Variants in BMPR1B observed in about 807,000 individuals in gnomAD.
BMPR1B encodes bone morphogenetic protein receptor type 1B.
In BMPR1B, 12 loss-of-function variants were observed where a neutral mutation model predicts 59.1. The observed-to-expected ratio is 0.20, with a 90% CI of 0.13 to 0.33. BMPR1B has a LOEUF of 0.33. BMPR1B is among the 10% of genes least tolerant of loss of function. The probability of loss-of-function intolerance (pLI) is 1.00; values close to 1 mark genes in which losing one functional copy is unlikely to be tolerated. For synonymous variants in BMPR1B, 237 were observed against 207.3 expected, an observed-to-expected ratio of 1.14 and a Z score of -1.23; for missense variants, 550 against 610.9, an observed-to-expected ratio of 0.90 and a Z score of 1.05.
intron 2 of BMPR1B, among the ~76,000 whole-genome samples, chr4:94,987,195 CAT>C (rs201112936): frequency 0.019 from 2,623 of 136,880 alleles, 30 homozygotes; most frequent in Middle Eastern, 0.039. Flanking sequence ...TATAATATAT[CAT>C]ATATATGTAA....
At position 94,782,328 on chromosome 4, in the gene BMPR1B, ATT is replaced by A. The variant is rs60231217; in HGVS notation, c.-183+24272_-183+24273del. On this transcript the variant is annotated intron_variant, in intron 1 of 12. Coordinates refer to ENST00000515059, the MANE Select transcript of BMPR1B (RefSeq NM_001203.3). ...TTATACTTTTAATTTTTTAATGTTA[ATT>A]TTTTTTTTTTTGTCACCCAGGCTGG... Among the ~76,000 whole-genome samples, 719 of 144,474 alleles carry A rather than the reference ATT, an allele frequency of 5.0e-3. 1 individual carries two copies. The highest frequency in any genetic ancestry group is 6.9e-3 in the Non-Finnish European group (454 of 65,606). 94.8% of individuals were successfully genotyped at this position (144,474 alleles called of 152,430 possible).
chr4:95,059,897 C>G (rs898444426), intron 3 of BMPR1B, among the ~76,000 whole-genome samples: 1 of 152,134 alleles, frequency 6.6e-6, no homozygotes, highest in African/African-American at 2.4e-5. Context: ...CAAAATAGAC[C>G]TGAGTTCAGG....
At chr4:95,075,367 T>C (rs923100801) in intron 3 of BMPR1B, among the ~76,000 whole-genome samples, 3 of 152,180 alleles carry the variant, frequency 2.0e-5, no homozygotes, top group Admixed American at 2.0e-4. Flanking sequence ...TAATAGTGAA[T>C]CTATTGTTGG....
intron 1 of BMPR1B, among the ~76,000 whole-genome samples, chr4:94,796,747 CTG>C (rs1208059344): frequency 6.6e-6 from 1 of 152,022 alleles, no homozygotes; most frequent in Non-Finnish European, 1.5e-5. Context: ...TTTCTAGTGA[CTG>C]TATATTTCCA....
At chr4:95,046,773 C>T (rs886929674) in intron 3 of BMPR1B, among the ~76,000 whole-genome samples, 27 of 152,194 alleles carry the variant, frequency 1.8e-4, no homozygotes, top group African/African-American at 6.3e-4. Context: ...TCTTTGAAGA[C>T]TCCTTTGGTA....
At chr4:95,064,358 C>T (rs74734028) in intron 3 of BMPR1B, among the ~76,000 whole-genome samples, 6,380 of 152,108 alleles carry the variant, frequency 0.042, 459 homozygotes, top group African/African-American at 0.15. Flanking sequence ...TCAGTGGGAG[C>T]GTTAGATGCT....
intron 1 of BMPR1B, among the ~76,000 whole-genome samples, chr4:94,776,726 C>T (rs758911432): frequency 1.3e-5 from 2 of 152,092 alleles, no homozygotes; most frequent in Non-Finnish European, 2.9e-5. Context: ...AGTCAGAATC[C>T]ATCCAGTTAC....
Position 94,940,427 on chromosome 4 carries a change from C to T in BMPR1B, c.-112-55613C>T, listed in dbSNP as rs543639873. On this transcript the variant is annotated intron_variant, in intron 2 of 12. Transcript: ENST00000515059. Reference sequence around the variant, plus strand: ...AGGGAAGCCAAAAGATTGGATACCCCTGGCTTATGGGATTCTCAGTATGAC... The same window carrying T: ...AGGGAAGCCAAAAGATTGGATACCCTTGGCTTATGGGATTCTCAGTATGAC... 7.9e-5 allele frequency among the ~76,000 whole-genome samples: 12 copies of T among 152,272 alleles called. No individual in the cohort carries two copies. The South Asian group carries it at 2.5e-3, about 32-fold the overall frequency.
intron 3 of BMPR1B, among the ~76,000 whole-genome samples, chr4:95,072,233 C>T (rs1162324394): frequency 6.6e-6 from 1 of 152,146 alleles, no homozygotes. Context: ...TGAGGCCCAC[C>T]CGCAGTAGGG....
At chr4:95,136,136 T>C (rs1005738663) in intron 10 of BMPR1B, among the ~76,000 whole-genome samples, 3 of 152,092 alleles carry the variant, frequency 2.0e-5, no homozygotes, top group Admixed American at 6.6e-5. Context: ...GGTTTTTGTC[T>C]TTGCTAGGCA....
intron 3 of BMPR1B, among the ~76,000 whole-genome samples, chr4:95,102,600 A>T (rs1730901210): frequency 6.6e-6 from 1 of 152,138 alleles, no homozygotes; most frequent in Non-Finnish European, 1.5e-5. Context: ...AGAAAGAAGG[A>T]GCTTACCATG....
Position 95,145,340 on chromosome 4 carries a change from A to AGAC in BMPR1B, c.1077-3408_1077-3407insGAC, listed in dbSNP as rs554101011. ...TCTGAGTCTACAGCCCTTGTGCAGT[A>AGAC]TCTATCTTTTCTTGTCAACCTTGTT... On this transcript the variant is annotated intron_variant, in intron 10 of 12. Coordinates refer to ENST00000515059, the MANE Select transcript of BMPR1B (RefSeq NM_001203.3). 1.4e-3 allele frequency among the ~76,000 whole-genome samples: 210 copies of AGAC among 152,294 alleles called. 1 individual carries two copies. The East Asian group carries it at 0.034, about 24-fold the overall frequency.
At chr4:94,831,001 A>G (rs1021679504) in intron 1 of BMPR1B, among the ~76,000 whole-genome samples, 3 of 152,198 alleles carry the variant, frequency 2.0e-5, no homozygotes, top group Non-Finnish European at 4.4e-5. Context: ...TACTAATTAT[A>G]AAAAAGAAAA....
intron 3 of BMPR1B, among the ~76,000 whole-genome samples, chr4:95,056,348 C>G (rs1374591391): frequency 2.0e-5 from 3 of 152,102 alleles, no homozygotes; most frequent in African/African-American, 7.2e-5. Context: ...TGGAAAATAT[C>G]TTTCCGGATT....
intron 3 of BMPR1B, among the ~76,000 whole-genome samples, chr4:94,999,745 T>G (rs548344682): frequency 6.6e-6 from 1 of 152,260 alleles, no homozygotes; most frequent in South Asian, 2.1e-4. Context: ...AATTGCAGAA[T>G]GAAATTGCTC....
intron 2 of BMPR1B, among the ~76,000 whole-genome samples, chr4:94,978,147 T>C (rs2149084371): frequency 6.6e-6 from 1 of 152,354 alleles, no homozygotes; most frequent in East Asian, 1.9e-4. Context: ...GCCACATGTT[T>C]TGAGTATTTT....
At chr4:94,975,613 T>C (rs1180448995) in intron 2 of BMPR1B, among the ~76,000 whole-genome samples, 1 of 151,948 alleles carries the variant, frequency 6.6e-6, no homozygotes, top group African/African-American at 2.4e-5. Flanking sequence ...TTTGGACTCC[T>C]GGGCTCAAGC....
chr4:95,040,238 GC>G (rs1340441898), intron 3 of BMPR1B, among the ~76,000 whole-genome samples: 1 of 152,100 alleles, frequency 6.6e-6, no homozygotes, highest in East Asian at 1.9e-4. Flanking sequence ...TTTTCTAGTA[GC>G]TATTTTCATA....
At chr4:95,104,169 C>A (rs894393810) in intron 3 of BMPR1B, among the ~76,000 whole-genome samples, 1 of 151,988 alleles carries the variant, frequency 6.6e-6, no homozygotes, top group Non-Finnish European at 1.5e-5. Flanking sequence ...ATAGCTGTTA[C>A]AATTTAATAC....
Sources: allele counts gnomAD v4.1 joint callset (sites outside exome capture counted in the v4.1 genomes callset), GRCh38; gene constraint gnomAD v4.1.1; transcripts MANE v1.5; gene names NCBI Gene and HGNC (gene_info 2026-07-23, HGNC 2026-07-21).